Variants in NPHP4 observed in about 807,000 individuals in gnomAD.
NPHP4 encodes the protein nephrocystin 4, also known as nephrocystin-4.
A neutral mutation model predicts 155.8 loss-of-function variants in NPHP4; 151 were observed. The ratio of observed to expected loss-of-function variants is 0.97; its 90% CI spans 0.85 to 1.11. The LOEUF (loss-of-function observed/expected upper bound fraction) is 1.11. NPHP4 is among the 50% of genes least tolerant of loss of function. The pLI is 0.00. For missense variants in NPHP4, 1,956 were observed against 1,925.7 expected, an observed-to-expected ratio of 1.02 and a Z score of -0.29; for synonymous variants, 845 against 816.8, an observed-to-expected ratio of 1.03 and a Z score of -0.59.
intron 3 of NPHP4, among the ~76,000 whole-genome samples, chr1:5,971,001 G>A (rs538689513): frequency 7.2e-5 from 11 of 152,310 alleles, no homozygotes; most frequent in Non-Finnish European, 1.5e-4. Context: ...CTGCAAAGTC[G>A]AGTTGGTCAT....
intron 7 of NPHP4, 76 bp from the exon 8 acceptor site, chr1:5,948,327 G>T: frequency 8.8e-7 from 1 of 1,136,154 alleles, no homozygotes; most frequent in Non-Finnish European, 1.2e-6. Flanking sequence ...TGGGGGAGGC[G>T]AGCAGAGAGA....
chr1:5,933,143 T>C lies in NPHP4; in HGVS notation c.1302+4A>G. 1 of 1,537,606 alleles carries C rather than the reference T, an allele frequency of 6.5e-7. No homozygotes were observed. Among genetic ancestry groups the C allele is most frequent in the Non-Finnish European group, 8.8e-7 (1 of 1,136,228 alleles). ...AGATGCATAAGAAATACCTAATAAT[T>C]TACCTCTTCAGAGCTCATGCTGGCT... On this transcript the variant is annotated splice_donor_region_variant and intron_variant, in intron 10 of 29. Transcript: ENST00000378156.
At chr1:5,902,366 G>A (rs1000353016) in intron 16 of NPHP4, among the ~76,000 whole-genome samples, 4 of 152,302 alleles carry the variant, frequency 2.6e-5, no homozygotes, top group South Asian at 2.1e-4. Flanking sequence ...AGGGGCTGGC[G>A]CCAGTGGGCA....
chr1:5,978,143 G>T, intron 3 of NPHP4, 127 bp downstream of exon 3: 1 of 834,854 alleles, frequency 1.2e-6, no homozygotes, highest in South Asian at 1.7e-5. Context: ...TGTGCTGCCT[G>T]GACCCACAAG....
At chr1:5,952,434 C>A (rs370555292) in intron 7 of NPHP4, among the ~76,000 whole-genome samples, 16 of 152,192 alleles carry the variant, frequency 1.1e-4, no homozygotes, top group African/African-American at 3.1e-4. Context: ...TCTGTGGGGG[C>A]CTTGGCTGTG....
intron 3 of NPHP4, among the ~76,000 whole-genome samples, chr1:5,970,938 A>G (rs576303799): frequency 6.6e-6 from 1 of 152,352 alleles, no homozygotes; most frequent in South Asian, 2.1e-4. Flanking sequence ...GGTTGGACTA[A>G]GAGAGAATTA....
chr1:5,927,255 C>T (rs749923969), intron 11 of NPHP4, among the ~76,000 whole-genome samples: 12 of 152,186 alleles, frequency 7.9e-5, no homozygotes, highest in Non-Finnish European at 1.8e-4. Context: ...TCCTAACTTT[C>T]GGGCAGGGCT....
chr1:5,867,234 C>T lies in NPHP4; in HGVS notation c.3473-119G>A. 1 of 730,698 alleles carries T rather than the reference C, an allele frequency of 1.4e-6. No individual in the cohort carries two copies. The highest frequency in any genetic ancestry group is 2.7e-5 in the East Asian group (1 of 36,636). 45.3% of individuals were successfully genotyped at this position (730,698 alleles called of 1,614,324 possible). A position where few individuals can be genotyped will look rare whatever the true frequency, so the allele number is the denominator to read the frequency against. ...CTCGTCACAGGTGCTCAGCAAGACA[C>T]CTGCTGGGGAAACGGACGCCGCCAC... On this transcript the variant is annotated intron_variant, in intron 24 of 29. Coordinates refer to ENST00000378156, the MANE Select transcript of NPHP4 (RefSeq NM_015102.5). This position sits in a 1 kb window ranked among gnomAD's most constrained non-coding sequence, Gnocchi z 4.1.
At chr1:5,962,565 G>A (rs1650534671) in intron 5 of NPHP4, among the ~76,000 whole-genome samples, 1 of 152,220 alleles carries the variant, frequency 6.6e-6, no homozygotes, top group African/African-American at 2.4e-5. Flanking sequence ...GGCAGCACTG[G>A]AGGGAGGCCA....
intron 16 of NPHP4, among the ~76,000 whole-genome samples, chr1:5,901,105 GT>G (rs1427233379): frequency 2.6e-5 from 4 of 152,110 alleles, no homozygotes; most frequent in Non-Finnish European, 5.9e-5. Flanking sequence ...AGGGGAAACT[GT>G]TGGGGTGGGG....
rs1024474271 is a variant in NPHP4 at position 5,867,576 on chromosome 1, C to T, written c.3472+164G>A. Reference sequence around the variant, plus strand: ...ATCTCAGAGGTGGCAAGAGGGACACCGTTTCAAACCATAAAGGCAGGAGAG... The same window carrying T: ...ATCTCAGAGGTGGCAAGAGGGACACTGTTTCAAACCATAAAGGCAGGAGAG... On this transcript the variant is annotated intron_variant, in intron 24 of 29. Transcript: ENST00000378156. This position sits in a 1 kb window ranked among gnomAD's most constrained non-coding sequence, Gnocchi z 4.1. 1.3e-5 allele frequency: 9 copies of T among 711,230 alleles called. No individual in the cohort carries two copies. Among genetic ancestry groups the T allele is most frequent in the Admixed American group, 5.7e-5 (2 of 35,028 alleles). The allele number at this position is 711,230 out of a possible 1,614,324, so 44.1% of individuals were successfully genotyped here.
intron 16 of NPHP4, among the ~76,000 whole-genome samples, chr1:5,898,838 C>T (rs1335497117): frequency 6.7e-6 from 1 of 150,318 alleles, no homozygotes; most frequent in African/African-American, 2.5e-5. Context: ...TTCAAACCCA[C>T]ACATGCACAC....
rs1645112929 is a variant in NPHP4, at chr1:5,910,223, G to GTCA, written c.1442-1013_1442-1011dup. Among the ~76,000 whole-genome samples, 1 of 152,170 alleles carries GTCA rather than the reference G, an allele frequency of 6.6e-6. No homozygotes were observed. Among genetic ancestry groups the GTCA allele is most frequent in the Non-Finnish European group, 1.5e-5 (1 of 68,038 alleles). Reference sequence around the variant, plus strand: ...CCAGGGTGGGAGCCCTGCACACTGAGTCATCTGCCTGGCTTCCCTGAGGCC... The same window carrying GTCA: ...CCAGGGTGGGAGCCCTGCACACTGAGTCATCATCTGCCTGGCTTCCCTGAGGCC... On this transcript the variant is annotated intron_variant, in intron 11 of 29. Coordinates refer to ENST00000378156, the MANE Select transcript of NPHP4 (RefSeq NM_015102.5). This position sits in a 1 kb window ranked among gnomAD's most constrained non-coding sequence, Gnocchi z 5.4.
At chr1:5,907,539 T>A (rs955881926) in intron 12 of NPHP4, among the ~76,000 whole-genome samples, 1 of 152,262 alleles carries the variant, frequency 6.6e-6, no homozygotes, top group African/African-American at 2.4e-5. Flanking sequence ...CCTCTGCCTC[T>A]CTGTCCCTTG....
intron 13 of NPHP4, among the ~76,000 whole-genome samples, chr1:5,906,525 T>C (rs1156824315): frequency 6.6e-6 from 1 of 152,264 alleles, no homozygotes; most frequent in Non-Finnish European, 1.5e-5. Context: ...CAGCAGAGAC[T>C]CATGGTGCTA....
At chr1:5,959,133 C>A (rs1483201602) in intron 6 of NPHP4, among the ~76,000 whole-genome samples, 2 of 152,008 alleles carry the variant, frequency 1.3e-5, no homozygotes, top group African/African-American at 2.4e-5. Flanking sequence ...AGTCAGTCCC[C>A]CTCCCTCCCT....
intron 9 of NPHP4, among the ~76,000 whole-genome samples, chr1:5,939,960 G>A (rs114484312): frequency 0.01 from 1,557 of 152,276 alleles, 24 homozygotes; most frequent in African/African-American, 0.035. Context: ...AGGATGAGGT[G>A]GGGCCAGCAG....
intron 6 of NPHP4, among the ~76,000 whole-genome samples, chr1:5,953,418 A>G (rs536328025): frequency 4.0e-4 from 61 of 152,274 alleles, no homozygotes; most frequent in African/African-American, 1.3e-3. Context: ...AACAGTTTTT[A>G]TAATTCGACA....
At chr1:5,869,135 CAT>C (rs1232214350) in intron 23 of NPHP4, among the ~76,000 whole-genome samples, 10 of 140,306 alleles carry the variant, frequency 7.1e-5, no homozygotes, top group African/African-American at 2.3e-4. Context: ...ACAATGCACA[CAT>C]ATCCGCCCAC....
Sources: allele counts gnomAD v4.1 joint callset (sites outside exome capture counted in the v4.1 genomes callset), GRCh38; gene constraint gnomAD v4.1.1; non-coding constraint Gnocchi (gnomAD v3.1); transcripts MANE v1.5; gene names NCBI Gene and HGNC (gene_info 2026-07-23, HGNC 2026-07-21).